ZDHHC13: variants seen among roughly 807,000 people sequenced by gnomAD.
ZDHHC13 encodes zDHHC palmitoyltransferase 13.
A neutral mutation model predicts 86.0 loss-of-function variants in ZDHHC13; 85 were observed. That is an observed-to-expected ratio of 0.99 (90% confidence interval 0.83 to 1.18). ZDHHC13 has a LOEUF of 1.18. ZDHHC13 is among the 50% of genes most tolerant of loss of function. ZDHHC13 has a pLI of 0.00. For missense variants in ZDHHC13, 711 were observed against 730.2 expected (o/e 0.97, Z 0.30); for synonymous variants, 263 against 246.4 (o/e 1.07, Z -0.63).
intron 1 of ZDHHC13, among the ~76,000 whole-genome samples, chr11:19,123,938 T>C (rs1236695348): frequency 6.6e-6 from 1 of 152,192 alleles, no homozygotes; most frequent in Non-Finnish European, 1.5e-5. Flanking sequence ...AGAACACGTA[T>C]ATACTTTGCT....
At chr11:19,146,669 ATAGG>A (rs1327426469) in intron 3 of ZDHHC13, among the ~76,000 whole-genome samples, 10 of 152,212 alleles carry the variant, frequency 6.6e-5, no homozygotes, top group African/African-American at 2.2e-4. Context: ...CGAAGAATAG[ATAGG>A]TAGGAGATTT....
At chr11:19,126,811 T>C (rs1025534888) in intron 1 of ZDHHC13, among the ~76,000 whole-genome samples, 9 of 152,328 alleles carry the variant, frequency 5.9e-5, no homozygotes, top group African/African-American at 1.9e-4. Flanking sequence ...TATGGCTGCA[T>C]AGTATTCCAT....
rs777821941 is a variant in ZDHHC13, at chr11:19,155,913, A to G, written c.991A>G (p.Thr331Ala). ...TCTTCTAGTAACACTGTTTTTTCTGACATCTTTGTTTCCAAGGTGTGTATG... is the reference window on the plus strand; with the variant it reads ...TCTTCTAGTAACACTGTTTTTTCTGGCATCTTTGTTTCCAAGGTGTGTATG... Reference protein sequence around the residue: ...GCLLVTLFFLTSLFPRFLVGY... With the variant: ...GCLLVTLFFLASLFPRFLVGY... Residue 331 changes from threonine to alanine, a missense_variant, in exon 9 of 17, where the codon ACA becomes GCA. Physicochemically the swap from Thr to Ala is moderately conservative, Grantham distance 58. Coordinates refer to ENST00000446113, the MANE Select transcript of ZDHHC13 (RefSeq NM_019028.3). 9 of 1,606,954 alleles carry G rather than the reference A, an allele frequency of 5.6e-6. No homozygotes were observed. The East Asian group carries it at 2.0e-4, about 36-fold the overall frequency.
intron 1 of ZDHHC13, among the ~76,000 whole-genome samples, chr11:19,141,835 A>C (rs1029442398): frequency 1.3e-5 from 2 of 152,130 alleles, no homozygotes; most frequent in African/African-American, 4.8e-5. Flanking sequence ...GCTGCTTCTA[A>C]TAGGTGATCC....
At chr11:19,149,467 G>T in intron 5 of ZDHHC13, 136 bp downstream of exon 5, 1 of 941,664 alleles carries the variant, frequency 1.1e-6, no homozygotes, top group Non-Finnish European at 1.5e-6. Context: ...GCCTCAGTAC[G>T]TTTAGCCATT....
chr11:19,153,469 G>A (rs749046054), intron 8 of ZDHHC13, among the ~76,000 whole-genome samples: 5 of 152,152 alleles, frequency 3.3e-5, no homozygotes, highest in Non-Finnish European at 7.4e-5. Flanking sequence ...AACAGACACT[G>A]TATTCTTATG....
At chr11:19,173,266 A>T (rs1056145060) in intron 16 of ZDHHC13, among the ~76,000 whole-genome samples, 1 of 152,182 alleles carries the variant, frequency 6.6e-6, no homozygotes, top group African/African-American at 2.4e-5. Context: ...CCCTATGTTG[A>T]ATGTGCCCTC....
intron 2 of ZDHHC13, 95 bp from the exon 3 acceptor site, chr11:19,146,086 G>T (rs1255952767): frequency 7.9e-7 from 1 of 1,269,618 alleles, no homozygotes; most frequent in Non-Finnish European, 1.1e-6. Flanking sequence ...CTGAAAGGCA[G>T]TTTGGATAGT....
chr11:19,174,946 G>A (rs574800276), intron 16 of ZDHHC13, among the ~76,000 whole-genome samples: 6 of 152,342 alleles, frequency 3.9e-5, no homozygotes, highest in African/African-American at 1.4e-4. Context: ...GTTTATTTGA[G>A]CCTCTAGGCA....
At position 19,172,834 on chromosome 11, in the gene ZDHHC13, G is replaced by A. The variant is rs951974299; in HGVS notation, c.1730+14G>A. The A allele has an allele frequency of 1.3e-6, 2 of 1,581,552 alleles. No homozygotes were observed. The highest frequency in any genetic ancestry group is 1.7e-6 in the Non-Finnish European group (2 of 1,164,328). On this transcript the variant is annotated intron_variant, in intron 16 of 16. Transcript: ENST00000446113. ...GACACCATACAAGTAAGCGAGACCT[G>A]TTTTGGATGCTGAGTCCTGTGGAAG...
At chr11:19,125,054 A>AC (rs1848844460) in intron 1 of ZDHHC13, among the ~76,000 whole-genome samples, 1 of 152,114 alleles carries the variant, frequency 6.6e-6, no homozygotes, top group Admixed American at 6.5e-5. Context: ...AGGAATTGTG[A>AC]CCCCAAGACA....
At chr11:19,146,435 C>A (rs1373642880) in intron 3 of ZDHHC13, 132 bp downstream of exon 3, 2 of 1,083,306 alleles carry the variant, frequency 1.8e-6, no homozygotes, top group East Asian at 2.9e-5. Flanking sequence ...CTTTTTCTGC[C>A]ACACACGTTG....
intron 1 of ZDHHC13, among the ~76,000 whole-genome samples, chr11:19,136,254 G>T (rs1195584501): frequency 1.3e-5 from 2 of 152,152 alleles, no homozygotes; most frequent in Non-Finnish European, 2.9e-5. Context: ...GAAAACCAAG[G>T]CTCGAGAACT....
chr11:19,134,748 C>A lies in ZDHHC13; in HGVS notation c.28-8230C>A, dbSNP rs185606722. Among the ~76,000 whole-genome samples the A allele has an allele frequency of 2.0e-5, 3 of 151,938 alleles. No homozygotes were observed. In the East Asian group the frequency reaches 5.8e-4, roughly 29 times the overall value. On this transcript the variant is annotated intron_variant, in intron 1 of 16. Coordinates refer to ENST00000446113, the MANE Select transcript of ZDHHC13 (RefSeq NM_019028.3). ...GGGAGGGATAGCATTAGGAGGAATACGTAATGTAGATGACAGGTTGATGGG... is the reference window on the plus strand; with the variant it reads ...GGGAGGGATAGCATTAGGAGGAATAAGTAATGTAGATGACAGGTTGATGGG...
chr11:19,158,919 T>TA, intron 9 of ZDHHC13, 21 bp from the exon 10 acceptor site: 1 of 1,457,028 alleles, frequency 6.9e-7, no homozygotes, highest in South Asian at 1.3e-5. Flanking sequence ...TAATAACTTA[T>TA]ATTTATCTTT....
At chr11:19,134,990 C>A (rs1418439090) in intron 1 of ZDHHC13, among the ~76,000 whole-genome samples, 1 of 152,198 alleles carries the variant, frequency 6.6e-6, no homozygotes, top group African/African-American at 2.4e-5. Context: ...TATGATCACA[C>A]TGCTGCACTC....
intron 3 of ZDHHC13, 56 bp downstream of exon 3, chr11:19,146,359 T>G: frequency 6.4e-7 from 1 of 1,564,376 alleles, no homozygotes; most frequent in East Asian, 2.3e-5. Flanking sequence ...CTCTCCTTCA[T>G]TTATCTTTTT....
intron 10 of ZDHHC13, among the ~76,000 whole-genome samples, chr11:19,159,276 C>G (rs1046613699): frequency 9.2e-5 from 14 of 152,054 alleles, no homozygotes; most frequent in Non-Finnish European, 1.6e-4. Context: ...AGGAGGGGAA[C>G]AGTAGAATGT....
chr11:19,127,254 C>T (rs1198898268), intron 1 of ZDHHC13, among the ~76,000 whole-genome samples: 1 of 152,118 alleles, frequency 6.6e-6, no homozygotes, highest in Non-Finnish European at 1.5e-5. Context: ...TTTATGTCTT[C>T]TATTGAAAAG....
Sources: gnomAD v4.1 joint callset for allele counts (sites outside exome capture counted in the v4.1 genomes callset) on GRCh38, gnomAD v4.1.1 for gene constraint, MANE v1.5 for transcripts, NCBI Gene and HGNC (gene_info 2026-07-23, HGNC 2026-07-21) for gene names.